Variants in ITPR1 observed in about 807,000 individuals in gnomAD.
The protein encoded by ITPR1 is inositol 1,4,5-trisphosphate receptor type 1.
ITPR1 carries 96 observed loss-of-function variants against 318.4 expected under a neutral mutation model. That is an observed-to-expected ratio of 0.30 (90% CI 0.26 to 0.36). The LOEUF is 0.36. Among genes scored for constraint, ITPR1 ranks in the 10% least tolerant of loss-of-function variants. ITPR1 has a pLI of 1.00. For missense variants in ITPR1, 2,440 were observed against 3,460.2 expected (o/e 0.71, Z 7.40); for synonymous variants, 1,312 against 1,289.9 (o/e 1.02, Z -0.37).
intron 4 of ITPR1, among the ~76,000 whole-genome samples, chr3:4,565,331 C>T (rs527299450): frequency 6.6e-6 from 1 of 152,278 alleles, no homozygotes; most frequent in South Asian, 2.1e-4. Context: ...GCCCTAGCCA[C>T]TAATAGCACC....
intron 44 of ITPR1, among the ~76,000 whole-genome samples, chr3:4,743,729 C>T (rs2043869304): frequency 6.6e-6 from 1 of 152,094 alleles, no homozygotes; most frequent in South Asian, 2.1e-4. Flanking sequence ...GAGAGGACTA[C>T]AGTTGTTGAG....
At chr3:4,766,840 C>T in intron 45 of ITPR1, 130 bp downstream of exon 45, 1 of 681,948 alleles carries the variant, frequency 1.5e-6, no homozygotes, top group East Asian at 2.9e-5. Context: ...AAATGCCAGC[C>T]TGGTTATGAT....
chr3:4,779,784 T>TCTGAC lies in ITPR1; in HGVS notation c.6387+140_6387+144dup, dbSNP rs2046705365. The TCTGAC allele has an allele frequency of 1.3e-5, 7 of 529,956 alleles. No homozygotes were observed. In the South Asian group the frequency reaches 2.0e-4, roughly 15 times the overall value. 32.8% of individuals were successfully genotyped at this position (529,956 alleles called of 1,614,324 possible). A position where few individuals can be genotyped will look rare whatever the true frequency, so the allele number is the denominator to read the frequency against. On this transcript the variant is annotated intron_variant, in intron 49 of 61. Coordinates refer to ENST00000649015, the MANE Select transcript of ITPR1 (RefSeq NM_001378452.1). This position sits in a 1 kb window ranked among gnomAD's most constrained non-coding sequence, Gnocchi z 4.0. ...ATAAAGGGAACATTGAATTCAGGCCTCTGACTGAGTAGAGAAGTGAAATAT... is the reference window on the plus strand; with the variant it reads ...ATAAAGGGAACATTGAATTCAGGCCTCTGACCTGACTGAGTAGAGAAGTGAAATAT...
At chr3:4,550,880 T>C (rs992126095) in intron 4 of ITPR1, among the ~76,000 whole-genome samples, 5 of 151,226 alleles carry the variant, frequency 3.3e-5, no homozygotes, top group East Asian at 1.9e-4. Context: ...AGGCAGACCC[T>C]GTCTTTAAAA....
chr3:4,663,843 C>T (rs987928590), intron 16 of ITPR1, among the ~76,000 whole-genome samples: 1 of 151,924 alleles, frequency 6.6e-6, no homozygotes, highest in African/African-American at 2.4e-5. Flanking sequence ...CAGCCATGAA[C>T]GTTCTTACTG....
At chr3:4,709,483 G>A (rs7631642) in intron 37 of ITPR1, among the ~76,000 whole-genome samples, 41,064 of 152,122 alleles carry the variant, frequency 0.27, 6,561 homozygotes, top group East Asian at 0.75. Context: ...TGGGTAACCA[G>A]GCCTTCCTGT....
chr3:4,818,929 T>C (rs2106503779), intron 60 of ITPR1, among the ~76,000 whole-genome samples: 1 of 152,208 alleles, frequency 6.6e-6, no homozygotes, highest in South Asian at 2.1e-4. Flanking sequence ...CCGAACATCA[T>C]TAAAATGTTC....
chr3:4,627,488 C>A (rs1306696832), intron 4 of ITPR1, among the ~76,000 whole-genome samples: 1 of 151,892 alleles, frequency 6.6e-6, no homozygotes, highest in African/African-American at 2.4e-5. Flanking sequence ...AAAAGCAAAA[C>A]AAACAAAAAA....
chr3:4,717,645 T>G (rs2041870785), intron 40 of ITPR1, among the ~76,000 whole-genome samples: 1 of 152,196 alleles, frequency 6.6e-6, no homozygotes, highest in South Asian at 2.1e-4. Context: ...GCAGTAAGAT[T>G]TTAATTGTTC....
chr3:4,678,244 C>A (rs1184441988), intron 24 of ITPR1, among the ~76,000 whole-genome samples: 1 of 152,144 alleles, frequency 6.6e-6, no homozygotes, highest in African/African-American at 2.4e-5. Flanking sequence ...GCCTGAGCAA[C>A]AGTAGAGAAA....
intron 26 of ITPR1, among the ~76,000 whole-genome samples, chr3:4,682,797 CATTT>C (rs545674925): frequency 1.2e-3 from 176 of 152,280 alleles, no homozygotes; most frequent in Non-Finnish European, 2.1e-3. Context: ...ATTTGTCATT[CATTT>C]GACTCTAAAC....
intron 4 of ITPR1, among the ~76,000 whole-genome samples, chr3:4,549,640 C>G (rs2085360645): frequency 6.6e-6 from 1 of 152,104 alleles, no homozygotes; most frequent in Non-Finnish European, 1.5e-5. Flanking sequence ...TGTCTTCCAT[C>G]TGAAAAGTGG....
intron 47 of ITPR1, among the ~76,000 whole-genome samples, chr3:4,775,988 A>G (rs1277567929): frequency 6.6e-6 from 1 of 152,268 alleles, no homozygotes; most frequent in Non-Finnish European, 1.5e-5. Context: ...GTACAACCCA[A>G]TAACTTCTTG....
chr3:4,532,550 T>C (rs1177121939), intron 4 of ITPR1, among the ~76,000 whole-genome samples: 1 of 152,078 alleles, frequency 6.6e-6, no homozygotes, highest in Non-Finnish European at 1.5e-5. Flanking sequence ...TTTGTATTTT[T>C]TGTAGAGACG....
Position 4,517,772 on chromosome 3 carries a change from C to T in ITPR1, c.92+1189C>T, listed in dbSNP as rs138883756. On this transcript the variant is annotated intron_variant, in intron 3 of 61. Transcript: ENST00000649015. ...GCAAAGAGGCCTCCTTCTGCCCTGC[C>T]TCTGACTCTCCCTCCTTTCTTCATG... 8.9e-3 allele frequency among the ~76,000 whole-genome samples: 1,351 copies of T among 152,312 alleles called. 24 individuals are homozygous for T. Among genetic ancestry groups the T allele is most frequent in the African/African-American group, 0.031 (1,268 of 41,554 alleles).
intron 18 of ITPR1, among the ~76,000 whole-genome samples, chr3:4,668,420 G>C (rs1256528434): frequency 2.0e-5 from 3 of 151,294 alleles, no homozygotes; most frequent in African/African-American, 7.3e-5. Context: ...ACCTCCTCCA[G>C]TTCCATCCAT....
At chr3:4,609,051 A>AATATATATATATATATATATATAT (rs754002503) in intron 4 of ITPR1, among the ~76,000 whole-genome samples, 12 of 46,560 alleles carry the variant, frequency 2.6e-4, no homozygotes, top group Admixed American at 3.8e-4. Context: ...ACAACAACGA[A>AATATATATATATATATATATATAT]ATATATATAT....
chr3:4,678,114 AT>A (rs1426754758), intron 24 of ITPR1, among the ~76,000 whole-genome samples: 1 of 151,952 alleles, frequency 6.6e-6, no homozygotes, highest in South Asian at 2.1e-4. Flanking sequence ...TGGGGGTTTT[AT>A]TTTTTAGTCT....
chr3:4,609,407 G>T (rs1321646421), intron 4 of ITPR1, among the ~76,000 whole-genome samples: 1 of 152,030 alleles, frequency 6.6e-6, no homozygotes, highest in Non-Finnish European at 1.5e-5. Flanking sequence ...TCTTTATTTA[G>T]GGTATATACA....
Sources: gnomAD v4.1 joint callset for allele counts (sites outside exome capture counted in the v4.1 genomes callset) on GRCh38, gnomAD v4.1.1 for gene constraint, Gnocchi (gnomAD v3.1) non-coding constraint, MANE v1.5 for transcripts, NCBI Gene and HGNC (gene_info 2026-07-23, HGNC 2026-07-21) for gene names.